The following NCAM2 variants were observed in gnomAD, a reference collection of about 807,000 sequenced individuals.
The protein encoded by NCAM2 is neural cell adhesion molecule 2.
A neutral mutation model predicts 98.1 loss-of-function variants in NCAM2; 30 were observed. The observed-to-expected ratio is 0.31, with a 90% CI of 0.23 to 0.41. The LOEUF is 0.41. Ranked by LOEUF, NCAM2 falls within the 10% of genes least tolerant of loss-of-function variation. The probability of loss-of-function intolerance (pLI) is 1.00; values close to 1 mark genes in which losing one functional copy is unlikely to be tolerated. For missense variants in NCAM2, 867 were observed against 1,005.8 expected, an observed-to-expected ratio of 0.86 and a Z score of 1.87; for synonymous variants, 368 against 342.4, an observed-to-expected ratio of 1.07 and a Z score of -0.83.
Position 21,193,745 on chromosome 21 carries a change from C to A in NCAM2, c.56-86833C>A, listed in dbSNP as rs565707082. 2.6e-5 allele frequency among the ~76,000 whole-genome samples: 4 copies of A among 152,032 alleles called. No homozygotes were observed. The East Asian group carries it at 7.7e-4, about 29-fold the overall frequency. Reference sequence around the variant, plus strand: ...TGTTGACCTCATGATCCGCCCACCTCGGCCTCCCAAAGTGCTGGGATTACA... The same window carrying A: ...TGTTGACCTCATGATCCGCCCACCTAGGCCTCCCAAAGTGCTGGGATTACA... On this transcript the variant is annotated intron_variant, in intron 1 of 17. Coordinates refer to ENST00000400546, the MANE Select transcript of NCAM2 (RefSeq NM_004540.5).
intron 1 of NCAM2, among the ~76,000 whole-genome samples, chr21:21,159,692 G>A (rs920073059): frequency 1.3e-5 from 2 of 151,940 alleles, no homozygotes; most frequent in South Asian, 2.1e-4. Context: ...ACACAATGAC[G>A]AAATTGCCTA....
chr21:21,004,119 T>C (rs1446806084), intron 1 of NCAM2, among the ~76,000 whole-genome samples: 1 of 152,140 alleles, frequency 6.6e-6, no homozygotes, highest in African/African-American at 2.4e-5. Context: ...CTCCAAACTC[T>C]TCAGTTCTCC....
intron 8 of NCAM2, among the ~76,000 whole-genome samples, chr21:21,340,873 C>A (rs1355188417): frequency 1.3e-5 from 2 of 151,854 alleles, no homozygotes; most frequent in Non-Finnish European, 2.9e-5. Context: ...TATTTGAACT[C>A]TTTTTAATAT....
At chr21:21,064,118 G>T (rs2065382492) in intron 1 of NCAM2, among the ~76,000 whole-genome samples, 1 of 152,156 alleles carries the variant, frequency 6.6e-6, no homozygotes, top group South Asian at 2.1e-4. Context: ...TTTAGTGCAT[G>T]TTGGAAACAA....
intron 15 of NCAM2, among the ~76,000 whole-genome samples, chr21:21,481,318 T>C (rs1985863238): frequency 6.6e-6 from 1 of 152,180 alleles, no homozygotes; most frequent in African/African-American, 2.4e-5. Context: ...ACTAACACTT[T>C]ACAAACTTAC....
intron 1 of NCAM2, among the ~76,000 whole-genome samples, chr21:21,266,989 C>G (rs139641706): frequency 6.6e-6 from 1 of 152,028 alleles, no homozygotes; most frequent in Non-Finnish European, 1.5e-5. Context: ...TATTTCATCA[C>G]GCAGCTATTA....
chr21:21,494,024 C>G (rs1400796025), intron 15 of NCAM2, among the ~76,000 whole-genome samples: 1 of 151,742 alleles, frequency 6.6e-6, no homozygotes, highest in Non-Finnish European at 1.5e-5. Context: ...ATTGAAATAT[C>G]TAAGATAGAA....
At chr21:21,239,979 CTT>C (rs2071000470) in intron 1 of NCAM2, among the ~76,000 whole-genome samples, 2 of 152,160 alleles carry the variant, frequency 1.3e-5, no homozygotes, top group African/African-American at 4.8e-5. Flanking sequence ...CTCCCCCTCT[CTT>C]TGTCTCCCTT....
intron 9 of NCAM2, among the ~76,000 whole-genome samples, chr21:21,393,540 T>C (rs1349190968): frequency 6.6e-6 from 1 of 152,170 alleles, no homozygotes. Context: ...ATTGGATATG[T>C]AAAATTTAAA....
At chr21:21,265,451 C>CAA (rs2072218879) in intron 1 of NCAM2, among the ~76,000 whole-genome samples, 1 of 102,050 alleles carries the variant, frequency 9.8e-6, no homozygotes, top group African/African-American at 4.0e-5. Flanking sequence ...TATATACACA[C>CAA]ATATATAATA....
chr21:21,045,806 A>G (rs1014954534), intron 1 of NCAM2, among the ~76,000 whole-genome samples: 2 of 152,222 alleles, frequency 1.3e-5, no homozygotes, highest in Admixed American at 1.3e-4. Flanking sequence ...AAAATATGTC[A>G]CATGATGTTA....
rs554703225 is a variant in NCAM2, at chr21:21,022,445, G to T, written c.55+23827G>T. 1.9e-3 allele frequency among the ~76,000 whole-genome samples: 286 copies of T among 151,946 alleles called. 2 individuals carry two copies. The highest frequency in any genetic ancestry group is 1.6e-3 in the Non-Finnish European group (110 of 67,890). On this transcript the variant is annotated intron_variant, in intron 1 of 17. Transcript: ENST00000400546. The stretch of plus-strand genomic sequence containing the variant: ...GCCTAACTAAATTATTTTAATTTTT[G>T]CATGGCTTTAAATGTTCTATAGTAG...
At chr21:21,353,746 T>C (rs1228794734) in intron 8 of NCAM2, among the ~76,000 whole-genome samples, 3 of 152,220 alleles carry the variant, frequency 2.0e-5, no homozygotes, top group African/African-American at 4.8e-5. Context: ...TGGGCCATTA[T>C]ACACCTTTCA....
At chr21:21,446,557 C>A (rs986614670) in intron 12 of NCAM2, among the ~76,000 whole-genome samples, 2 of 152,006 alleles carry the variant, frequency 1.3e-5, no homozygotes, top group East Asian at 3.9e-4. Context: ...CCTGTGCAAT[C>A]AGGCAAGAGA....
rs2076985666 is a variant in NCAM2, at chr21:21,415,912, A to G, written c.1384-2561A>G. Among the ~76,000 whole-genome samples the G allele has an allele frequency of 1.3e-5, 2 of 152,226 alleles. 1 individual carries two copies. Among genetic ancestry groups the G allele is most frequent in the Non-Finnish European group, 2.9e-5 (2 of 68,046 alleles). The stretch of plus-strand genomic sequence containing the variant: ...CAACAAAATATTTCTCCATAACATG[A>G]GTAAGGCTGTTTAGCTTTCTTATCA... On this transcript the variant is annotated intron_variant, in intron 10 of 17. Coordinates refer to ENST00000400546, the MANE Select transcript of NCAM2 (RefSeq NM_004540.5).
intron 1 of NCAM2, among the ~76,000 whole-genome samples, chr21:21,031,464 C>T (rs1212125543): frequency 6.6e-6 from 1 of 152,148 alleles, no homozygotes. Flanking sequence ...CCTCCCAAAT[C>T]TAAGATAGAG....
At chr21:21,053,615 GC>G (rs1402771116) in intron 1 of NCAM2, among the ~76,000 whole-genome samples, 2 of 150,462 alleles carry the variant, frequency 1.3e-5, no homozygotes, top group African/African-American at 2.4e-5. Flanking sequence ...ATATGCATAT[GC>G]CCCTTTATAT....
intron 1 of NCAM2, among the ~76,000 whole-genome samples, chr21:21,150,271 T>C (rs12152109): frequency 0.52 from 79,530 of 151,946 alleles, 22,561 homozygotes; most frequent in South Asian, 0.66. Context: ...GTAATTTCTG[T>C]GAGTTGCTTA....
At chr21:21,514,993 A>G (rs962530746) in intron 16 of NCAM2, among the ~76,000 whole-genome samples, 1 of 152,158 alleles carries the variant, frequency 6.6e-6, no homozygotes, top group African/African-American at 2.4e-5. Flanking sequence ...ATATCCATTT[A>G]AAAAATTTAA....
Sources: allele counts gnomAD v4.1 joint callset (sites outside exome capture counted in the v4.1 genomes callset), GRCh38; gene constraint gnomAD v4.1.1; transcripts MANE v1.5; gene names NCBI Gene and HGNC (gene_info 2026-07-23, HGNC 2026-07-21).